The following PARP8 variants were observed in gnomAD, a reference collection of about 807,000 sequenced individuals.
PARP8 encodes protein mono-ADP-ribosyltransferase PARP8.
A neutral mutation model predicts 124.1 loss-of-function variants in PARP8; 51 were observed. The observed-to-expected ratio is 0.41, with a 90% CI of 0.33 to 0.52. PARP8 has a LOEUF of 0.52. Ranked by LOEUF, PARP8 falls within the 20% of genes least tolerant of loss-of-function variation. The probability of loss-of-function intolerance (pLI) is 0.21; values close to 1 mark genes in which losing one functional copy is unlikely to be tolerated. For synonymous variants in PARP8, 391 were observed against 361.5 expected, an observed-to-expected ratio of 1.08 and a Z score of -0.93; for missense variants, 860 against 1,018.9, an observed-to-expected ratio of 0.84 and a Z score of 2.12.
chr5:50,674,674 A>G (rs921165440), intron 2 of PARP8, among the ~76,000 whole-genome samples: 1 of 152,120 alleles, frequency 6.6e-6, no homozygotes, highest in East Asian at 1.9e-4. Context: ...CCTAACATCT[A>G]CATGCTTCTG....
intron 2 of PARP8, among the ~76,000 whole-genome samples, chr5:50,726,001 A>G (rs1235497602): frequency 6.6e-6 from 1 of 151,538 alleles, no homozygotes; most frequent in Non-Finnish European, 1.5e-5. Context: ...TATGCTACCT[A>G]CTCCTATGGT....
At chr5:50,796,196 G>A (rs1446358252) in intron 12 of PARP8, among the ~76,000 whole-genome samples, 5 of 152,194 alleles carry the variant, frequency 3.3e-5, no homozygotes, top group Non-Finnish European at 7.4e-5. Context: ...ATATATATGT[G>A]TGTATGTTGG....
chr5:50,709,716 A>T (rs1293648642), intron 2 of PARP8, among the ~76,000 whole-genome samples: 1 of 151,832 alleles, frequency 6.6e-6, no homozygotes, highest in African/African-American at 2.4e-5. Flanking sequence ...CCACAAAAAA[A>T]TGCCAGTGTT....
chr5:50,747,976 A>G lies in PARP8; in HGVS notation c.147-2175A>G, dbSNP rs569721501. Among the ~76,000 whole-genome samples the G allele has an allele frequency of 1.3e-3, 201 of 151,540 alleles. 1 individual carries two copies. The highest frequency in any genetic ancestry group is 4.8e-3 in the African/African-American group (199 of 41,412). On this transcript the variant is annotated intron_variant, in intron 2 of 25. Coordinates refer to ENST00000281631, the MANE Select transcript of PARP8 (RefSeq NM_024615.4). ...TTTTTAGTATAGACCTTGCTTTTTTATCCATTCTGGTAATCTTTTCCTTTT... is the reference window on the plus strand; with the variant it reads ...TTTTTAGTATAGACCTTGCTTTTTTGTCCATTCTGGTAATCTTTTCCTTTT...
intron 16 of PARP8, 71 bp downstream of exon 16, chr5:50,821,409 C>T (rs1745754568): frequency 1.3e-6 from 2 of 1,497,466 alleles, no homozygotes; most frequent in Non-Finnish European, 1.9e-6. Flanking sequence ...AGATTGTAGT[C>T]TCATTAGGTT....
intron 16 of PARP8, among the ~76,000 whole-genome samples, chr5:50,821,745 G>A (rs534852075): frequency 5.9e-5 from 9 of 152,286 alleles, no homozygotes; most frequent in African/African-American, 1.9e-4. Flanking sequence ...TTGCATAAGA[G>A]CTGAAGTTGC....
At chr5:50,751,630 C>T (rs1236458267) in intron 3 of PARP8, among the ~76,000 whole-genome samples, 1 of 151,988 alleles carries the variant, frequency 6.6e-6, no homozygotes, top group Non-Finnish European at 1.5e-5. Context: ...ATTTGATTCT[C>T]AATGCCGGTC....
intron 2 of PARP8, 165 bp downstream of exon 2, chr5:50,668,290 G>C (rs1222679741): frequency 1.5e-6 from 1 of 650,788 alleles, no homozygotes; most frequent in Non-Finnish European, 2.7e-6. Flanking sequence ...TAAATAGCAG[G>C]AGGAGGGGAA....
intron 1 of PARP8, chr5:50,667,720 G>A (rs1749496440): frequency 5.7e-6 from 4 of 700,284 alleles, no homozygotes; most frequent in South Asian, 1.5e-5. Context: ...GGATTCCCAA[G>A]GCACCCAGCG....
Position 50,667,819 on chromosome 5 carries a change from T to C in PARP8, c.92-252T>C, listed in dbSNP as rs1015849009. The C allele has an allele frequency of 7.0e-6, 8 of 1,138,838 alleles. No homozygotes were observed. The Admixed American group carries it at 1.4e-4, about 20-fold the overall frequency. The allele number at this position is 1,138,838 out of a possible 1,614,324, so 70.5% of individuals were successfully genotyped here. A position where few individuals can be genotyped will look rare whatever the true frequency, so the allele number is the denominator to read the frequency against. On this transcript the variant is annotated intron_variant, in intron 1 of 25. Transcript: ENST00000281631. ...AGCCCGGCTGAGGCTGCTTCCGGCC[T>C]CCCCTATCGGGAAATTCCCGCTGTT...
chr5:50,682,483 G>T (rs1292628760), intron 2 of PARP8, among the ~76,000 whole-genome samples: 4 of 152,006 alleles, frequency 2.6e-5, no homozygotes, highest in Non-Finnish European at 5.9e-5. Context: ...TGGAGAGAAA[G>T]AAATGGTATT....
chr5:50,798,217 A>T (rs181779603), intron 14 of PARP8, among the ~76,000 whole-genome samples: 1 of 152,154 alleles, frequency 6.6e-6, no homozygotes, highest in East Asian at 1.9e-4. Context: ...CAGTCGATGG[A>T]ATTGCTAGAA....
At chr5:50,779,923 T>C (rs1367960654) in intron 9 of PARP8, among the ~76,000 whole-genome samples, 1 of 152,016 alleles carries the variant, frequency 6.6e-6, no homozygotes, top group Non-Finnish European at 1.5e-5. Flanking sequence ...ATGCATAATA[T>C]AAATTACATA....
chr5:50,812,987 G>GTTAT (rs1313526181), intron 14 of PARP8, among the ~76,000 whole-genome samples: 3 of 152,102 alleles, frequency 2.0e-5, no homozygotes, highest in Non-Finnish European at 4.4e-5. Flanking sequence ...TGCTGTTTTG[G>GTTAT]TTACTGTAGC....
chr5:50,737,229 T>C (rs1012306864), intron 2 of PARP8, among the ~76,000 whole-genome samples: 2 of 152,146 alleles, frequency 1.3e-5, no homozygotes, highest in African/African-American at 2.4e-5. Flanking sequence ...ATTCCACATA[T>C]AAAGTCATTC....
intron 2 of PARP8, among the ~76,000 whole-genome samples, chr5:50,747,154 G>GTTTTTTTTTTTTTTTTTTTTT (rs370243477): frequency 8.2e-6 from 1 of 121,918 alleles, no homozygotes; most frequent in Non-Finnish European, 1.6e-5. Flanking sequence ...TTTTTTGTTT[G>GTTTTTTTTTTTTTTTTTTTTT]TTTGTTTTGT....
At chr5:50,747,746 A>G (rs944037651) in intron 2 of PARP8, among the ~76,000 whole-genome samples, 4 of 142,590 alleles carry the variant, frequency 2.8e-5, no homozygotes, top group African/African-American at 1.0e-4. Flanking sequence ...TCTCTCAAAG[A>G]TAGGATAGAC....
chr5:50,801,579 A>G (rs1269410859), intron 14 of PARP8, among the ~76,000 whole-genome samples: 9 of 152,138 alleles, frequency 5.9e-5, no homozygotes, highest in African/African-American at 1.9e-4. Context: ...GAACATTTGT[A>G]TCATCTCTCT....
At chr5:50,779,213 G>A (rs1354427322) in intron 9 of PARP8, among the ~76,000 whole-genome samples, 1 of 150,932 alleles carries the variant, frequency 6.6e-6, no homozygotes, top group South Asian at 2.1e-4. Context: ...ACACATGCAT[G>A]CACACACACG....
Sources: gnomAD v4.1 joint callset for allele counts (sites outside exome capture counted in the v4.1 genomes callset) on GRCh38, gnomAD v4.1.1 for gene constraint, MANE v1.5 for transcripts, NCBI Gene and HGNC (gene_info 2026-07-23, HGNC 2026-07-21) for gene names.